Variants in SSBP4 observed in about 807,000 individuals in gnomAD.
The protein encoded by SSBP4 is single-stranded DNA-binding protein 4.
A neutral mutation model predicts 64.6 loss-of-function variants in SSBP4; 33 were observed. The ratio of observed to expected loss-of-function variants is 0.51; its 90% CI spans 0.39 to 0.68. The LOEUF is 0.68. Among genes scored for constraint, SSBP4 ranks in the 30% least tolerant of loss-of-function variants. The probability of loss-of-function intolerance (pLI) is 0.00; values close to 1 mark genes in which losing one functional copy is unlikely to be tolerated. For synonymous variants in SSBP4, 243 were observed against 224.0 expected (o/e 1.08, Z -0.76); for missense variants, 583 against 566.8 (o/e 1.03, Z -0.29).
rs781118476 is a variant in SSBP4, at chr19:18,431,955, G to C, written c.566-45G>C. On this transcript the variant is annotated intron_variant, in intron 8 of 17. Coordinates refer to ENST00000270061, the MANE Select transcript of SSBP4 (RefSeq NM_032627.5). ...TGCTGCCTCCCCACTGTCCACACTG[G>C]GGAATGGTCCAGGTCCAAGTCCCCT... The C allele has an allele frequency of 4.5e-6, 7 of 1,555,736 alleles. No individual in the cohort carries two copies. The Admixed American group carries it at 7.3e-5, about 16-fold the overall frequency.
At chr19:18,419,133 G>A (rs1972244497), upstream of SSBP4, 1 of 985,410 alleles carries the variant, frequency 1.0e-6, no homozygotes, top group Admixed American at 6.1e-5. Context: ...CAATGTGGGT[G>A]GCCGGCTCCA....
rs1404262222 is a variant in SSBP4 at position 18,433,586 on chromosome 19, C to G, written c.993C>G (p.Gly331=). The change falls in exon 16 of 18, where the codon GGC becomes GGG. Residue 331 remains glycine (G), a splice_region_variant and synonymous_variant. Coordinates refer to ENST00000270061, the MANE Select transcript of SSBP4 (RefSeq NM_032627.5). ...GCCCGTGTCTGTCCGTGTCTGTAGG[C>G]TCGGGCGACATGGACGGGTTGCCGA... ...MEPHHVNGSL[G]SGDMDGLPKS... 1 of 1,530,734 alleles carries G rather than the reference C, an allele frequency of 6.5e-7. No individual in the cohort carries two copies. The highest frequency in any genetic ancestry group is 8.8e-7 in the Non-Finnish European group (1 of 1,138,522). The allele number at this position is 1,530,734 out of a possible 1,614,324, so 94.8% of individuals were successfully genotyped here. A position where few individuals can be genotyped will look rare whatever the true frequency, so the allele number is the denominator to read the frequency against.
chr19:18,404,581 G>T, the SSBP4 span, among the ~76,000 whole-genome samples: 1 of 139,912 alleles, frequency 7.1e-6, no homozygotes, highest in African/African-American at 2.8e-5. Flanking sequence ...GTGACAGAGC[G>T]AGACTCTGTC....
intron 6 of SSBP4, 40 bp downstream of exon 6, chr19:18,431,458 C>A: frequency 8.5e-7 from 1 of 1,173,406 alleles, no homozygotes; most frequent in Non-Finnish European, 1.2e-6. Context: ...CACACACATC[C>A]CCTCCCCCAG....
At chr19:18,429,470 C>CGGGGGGGGGGGGGGGGGG (rs72317419) in intron 4 of SSBP4, among the ~76,000 whole-genome samples, 1 of 116,438 alleles carries the variant, frequency 8.6e-6, no homozygotes, top group Non-Finnish European at 2.0e-5. Flanking sequence ...TCGCAGGGGG[C>CGGGGGGGGGGGGGGGGGG]GGGGGGGGGG....
rs745794783 is a variant in SSBP4, at chr19:18,432,641, G to A, written c.750+37G>A. 1.5e-5 allele frequency: 23 copies of A among 1,551,352 alleles called. No homozygotes were observed. In the South Asian group the frequency reaches 2.6e-4, roughly 17 times the overall value. Reference sequence around the variant, plus strand: ...GCTGGGTGGGCAGGCTTGGGGTGGGGTGGGAGGGACACTGGGTGAGCCGCC... The same window carrying A: ...GCTGGGTGGGCAGGCTTGGGGTGGGATGGGAGGGACACTGGGTGAGCCGCC... On this transcript the variant is annotated intron_variant, in intron 11 of 17. Coordinates refer to ENST00000270061, the MANE Select transcript of SSBP4 (RefSeq NM_032627.5).
In SSBP4 at chr19:18,423,225, C is replaced by T. The variant is rs377711548; in HGVS notation, c.59+3518C>T. Among the ~76,000 whole-genome samples, 6 of 152,206 alleles carry T rather than the reference C, an allele frequency of 3.9e-5. No individual in the cohort carries two copies. The highest frequency in any genetic ancestry group is 1.4e-4 in the African/African-American group (6 of 41,534). ...CCATGGTTGGTGTTGCCTGGCAGCTCGTGGGTTTCTCCCGGGCTTGATTTT... is the reference window on the plus strand; with the variant it reads ...CCATGGTTGGTGTTGCCTGGCAGCTTGTGGGTTTCTCCCGGGCTTGATTTT... On this transcript the variant is annotated intron_variant, in intron 1 of 17. Transcript: ENST00000270061. This position sits in a 1 kb window ranked among gnomAD's most constrained non-coding sequence, Gnocchi z 4.0.
chr19:18,422,239 G>C (rs1972514146), intron 1 of SSBP4, among the ~76,000 whole-genome samples: 1 of 152,160 alleles, frequency 6.6e-6, no homozygotes, highest in Admixed American at 6.5e-5. Context: ...GATTTCATAG[G>C]TTTGAGCCGG....
chr19:18,431,555 C>T lies in SSBP4; in HGVS notation c.436-92C>T, dbSNP rs544171112. On this transcript the variant is annotated intron_variant, in intron 6 of 17. Coordinates refer to ENST00000270061, the MANE Select transcript of SSBP4 (RefSeq NM_032627.5). ...CTGGCTGGTTCTGGAGGAGGGGGCT[C>T]CCCAGGTCGGGGGCCCCAGCATAGC... The T allele has an allele frequency of 5.4e-6, 8 of 1,475,582 alleles. No homozygotes were observed. In the African/African-American group the frequency reaches 8.5e-5, roughly 16 times the overall value. 91.4% of individuals were successfully genotyped at this position (1,475,582 alleles called of 1,614,324 possible).
intron 4 of SSBP4, among the ~76,000 whole-genome samples, chr19:18,428,780 A>T (rs1973064970): frequency 6.6e-6 from 1 of 151,860 alleles, no homozygotes; most frequent in South Asian, 2.1e-4. Flanking sequence ...TGCCTCCAGC[A>T]CTCTGCATGA....
rs1046732070 is a variant in SSBP4 at position 18,423,037 on chromosome 19, G to A, written c.59+3330G>A. Among the ~76,000 whole-genome samples, 9 of 152,342 alleles carry A rather than the reference G, an allele frequency of 5.9e-5. No individual in the cohort carries two copies. In the South Asian group the frequency reaches 1.9e-3, roughly 32 times the overall value. ...GAGCACCTGGTGGGTGCCTGCCCTC[G>A]GGGGCTCGCAGCAGATGGCAGTGAC... On this transcript the variant is annotated intron_variant, in intron 1 of 17. Coordinates refer to ENST00000270061, the MANE Select transcript of SSBP4 (RefSeq NM_032627.5). The surrounding 1 kb of genome is among the most constrained non-coding windows in gnomAD (Gnocchi z 4.0).
the SSBP4 span, among the ~76,000 whole-genome samples, chr19:18,408,263 G>A: frequency 2.0e-5 from 3 of 152,148 alleles, no homozygotes; most frequent in African/African-American, 4.8e-5. Context: ...AGAGTTGGCT[G>A]TAAATGCCTC....
At chr19:18,433,934 TG>T (rs1346757044) in intron 17 of SSBP4, 117 bp downstream of exon 17, 15 of 1,240,086 alleles carry the variant, frequency 1.2e-5, no homozygotes, top group Middle Eastern at 3.0e-4. Context: ...GCGGGCCAGG[TG>T]GGGGGGCGGC....
At chr19:18,430,213 C>T (rs570584297) in intron 4 of SSBP4, among the ~76,000 whole-genome samples, 10 of 152,212 alleles carry the variant, frequency 6.6e-5, no homozygotes, top group African/African-American at 2.2e-4. Context: ...CCCTTCCCAC[C>T]TCACATCCCC....
Position 18,432,853 on chromosome 19 carries a change from C to T in SSBP4, c.811C>T (p.Pro271Ser). Residue 271 changes from proline (P) to serine (S), a missense_variant, in exon 13 of 18, where the codon CCT (proline) becomes TCT (serine). Around this residue, in one of 5 missense-constraint regions of SSBP4, gnomAD observed 444 missense variants for 386.6 expected, o/e 1.15. Transcript: ENST00000270061. ...GGGACCCCCAGGAGGAGGTGGGCCC[C>T]CTGGAACACCCATCATGCCTAGCCC... ...YTGPPGGGGP[P>S]GTPIMPSPGD... 1.2e-6 allele frequency: 2 copies of T among 1,613,962 alleles called. No homozygotes were observed. Among genetic ancestry groups the T allele is most frequent in the Non-Finnish European group, 1.7e-6 (2 of 1,179,958 alleles).
chr19:18,430,114 T>A (rs1973227709), intron 4 of SSBP4, among the ~76,000 whole-genome samples: 1 of 152,136 alleles, frequency 6.6e-6, no homozygotes, highest in Admixed American at 6.5e-5. Context: ...GGTTTGGGGC[T>A]TGGCCTGGAC....
In SSBP4 at chr19:18,433,356, G is replaced by A. The variant is rs1973640394; in HGVS notation, c.991+143G>A. 3.6e-5 allele frequency: 46 copies of A among 1,276,610 alleles called. No homozygotes were observed. In the South Asian group the frequency reaches 6.2e-4, roughly 17 times the overall value. The allele number at this position is 1,276,610 out of a possible 1,614,324, so 79.1% of individuals were successfully genotyped here. On this transcript the variant is annotated intron_variant, in intron 15 of 17. Coordinates refer to ENST00000270061, the MANE Select transcript of SSBP4 (RefSeq NM_032627.5). ...CCCCGGGGGCCGCTCAGTGACAGGG[G>A]CTGCCCCGAGCTGGAGGGGGATCCA...
At position 18,431,670 on chromosome 19, in the gene SSBP4, A is replaced by C. The variant is rs1568354508; in HGVS notation, c.459A>C (p.Pro153=). 6.4e-7 allele frequency: 1 copy of C among 1,552,806 alleles called. No individual in the cohort carries two copies. The highest frequency in any genetic ancestry group is 1.4e-5 in the African/African-American group (1 of 73,150). Residue 153 remains proline (P), a synonymous_variant, in exon 7 of 18, where the codon CCA becomes CCC. Transcript: ENST00000270061. ...HGQPFMSPRF[P]GGPRPTLRMP... is the part of the protein sequence containing the mutation. The stretch of plus-strand genomic sequence containing the variant: ...AGCCCTTCATGTCACCGCGCTTCCC[A>C]GGGGGCCCCCGGCCCACCCTGCGGA...
At chr19:18,432,474 G>A (rs1005369458) in intron 10 of SSBP4, 85 bp from the exon 11 acceptor site, 3 of 1,501,682 alleles carry the variant, frequency 2.0e-6, no homozygotes, top group Non-Finnish European at 2.7e-6. Context: ...TGGGGATACA[G>A]TGGAGCAGGG....
Sources: gnomAD v4.1 joint callset for allele counts (sites outside exome capture counted in the v4.1 genomes callset) on GRCh38, gnomAD v4.1.1 for gene constraint, gnomAD v4.1.1 regional missense constraint, Gnocchi (gnomAD v3.1) non-coding constraint, MANE v1.5 for transcripts, NCBI Gene and HGNC (gene_info 2026-07-23, HGNC 2026-07-21) for gene names.